The following SDCCAG8 variants were observed in gnomAD, a reference collection of about 807,000 sequenced individuals.
SDCCAG8 encodes the protein SHH signaling and ciliogenesis regulator SDCCAG8.
A neutral mutation model predicts 101.8 loss-of-function variants in SDCCAG8; 74 were observed. That is an observed-to-expected ratio of 0.73 (90% CI 0.60 to 0.88). The LOEUF is 0.88. SDCCAG8 is among the 40% of genes least tolerant of loss of function. The probability of loss-of-function intolerance (pLI) is 0.00; values close to 1 mark genes in which losing one functional copy is unlikely to be tolerated. For missense variants in SDCCAG8, 787 were observed against 822.6 expected, an observed-to-expected ratio of 0.96 and a Z score of 0.53; for synonymous variants, 281 against 292.9, an observed-to-expected ratio of 0.96 and a Z score of 0.41.
intron 11 of SDCCAG8, among the ~76,000 whole-genome samples, chr1:243,341,949 G>C (rs1451914773): frequency 6.6e-6 from 1 of 152,000 alleles, no homozygotes; most frequent in Non-Finnish European, 1.5e-5. Flanking sequence ...TTCTTCAATG[G>C]ATTTTCCTAA....
intron 12 of SDCCAG8, among the ~76,000 whole-genome samples, chr1:243,365,942 T>A (rs2147866321): frequency 6.6e-6 from 1 of 152,236 alleles, no homozygotes; most frequent in African/African-American, 2.4e-5. Context: ...TTTAGGCTGC[T>A]CTTCATTTAA....
At chr1:243,494,893 T>A (rs1336610377) in intron 17 of SDCCAG8, among the ~76,000 whole-genome samples, 1 of 152,218 alleles carries the variant, frequency 6.6e-6, no homozygotes, top group South Asian at 2.1e-4. Flanking sequence ...AGACTGTAAT[T>A]CCGTCACATT....
chr1:243,452,502 A>G (rs902029883), intron 16 of SDCCAG8, among the ~76,000 whole-genome samples: 5 of 137,532 alleles, frequency 3.6e-5, no homozygotes, highest in African/African-American at 1.4e-4. Flanking sequence ...AGCTTACTGC[A>G]GCCTCGAACT....
rs533894956 is a variant in SDCCAG8 at position 243,483,337 on chromosome 1, G to T, written c.1986-5677G>T. Among the ~76,000 whole-genome samples, 8 of 152,188 alleles carry T rather than the reference G, an allele frequency of 5.3e-5. No homozygotes were observed. The South Asian group carries it at 1.5e-3, about 28-fold the overall frequency. ...ACCCCGCTGCCTCGTCGCCTTTCTCGCAAACAGCGGTGCCCTCTACGTGGG... is the reference window on the plus strand; with the variant it reads ...ACCCCGCTGCCTCGTCGCCTTTCTCTCAAACAGCGGTGCCCTCTACGTGGG... On this transcript the variant is annotated intron_variant, in intron 16 of 17. Coordinates refer to ENST00000366541, the MANE Select transcript of SDCCAG8 (RefSeq NM_006642.5).
At position 243,308,059 on chromosome 1, in the gene SDCCAG8, C is replaced by T; in HGVS notation, c.811C>T (p.Leu271=). The part of the protein sequence containing the change: ...KEQLKHKEFL[L]AANTCNRVGG... Reference sequence around the variant, plus strand: ...GCAACTAAAGCATAAAGAATTTCTTCTGGCTGCTAATACTTGTAACCGTGT... The same window carrying T: ...GCAACTAAAGCATAAAGAATTTCTTTTGGCTGCTAATACTTGTAACCGTGT... Residue 271 remains leucine (L), a synonymous_variant, in exon 8 of 18, where the codon CTG becomes TTG. Transcript: ENST00000366541. 1.2e-6 allele frequency: 2 copies of T among 1,614,144 alleles called. No homozygotes were observed. Among genetic ancestry groups the T allele is most frequent in the Middle Eastern group, 1.6e-4 (1 of 6,062 alleles).
intron 15 of SDCCAG8, among the ~76,000 whole-genome samples, chr1:243,426,196 A>G (rs2081327514): frequency 6.6e-6 from 1 of 150,686 alleles, no homozygotes; most frequent in South Asian, 2.1e-4. Context: ...CTTATTCCTT[A>G]GGGAAGCCAT....
At chr1:243,413,496 G>A (rs534279386) in intron 13 of SDCCAG8, among the ~76,000 whole-genome samples, 69 of 152,268 alleles carry the variant, frequency 4.5e-4, no homozygotes, top group South Asian at 1.5e-3. Flanking sequence ...GTGAGCCACC[G>A]TGCCTGACCT....
intron 17 of SDCCAG8, among the ~76,000 whole-genome samples, chr1:243,497,870 T>TG (rs1193562846): frequency 6.6e-6 from 1 of 152,104 alleles, no homozygotes; most frequent in Non-Finnish European, 1.5e-5. Context: ...TTTGTAGAGA[T>TG]GAGGTCTCAC....
intron 16 of SDCCAG8, among the ~76,000 whole-genome samples, chr1:243,478,596 C>T (rs1553375462): frequency 6.6e-6 from 1 of 152,126 alleles, no homozygotes; most frequent in Non-Finnish European, 1.5e-5. Context: ...CTGCACGATC[C>T]TCAGGAAGAA....
intron 16 of SDCCAG8, among the ~76,000 whole-genome samples, chr1:243,470,981 T>C (rs1288791669): frequency 2.6e-5 from 4 of 152,110 alleles, no homozygotes; most frequent in Non-Finnish European, 5.9e-5. Context: ...TTGTTGTTGT[T>C]AGAGTGCATA....
chr1:243,413,453 A>C (rs1025605645), intron 13 of SDCCAG8, among the ~76,000 whole-genome samples: 1 of 152,034 alleles, frequency 6.6e-6, no homozygotes, highest in African/African-American at 2.4e-5. Flanking sequence ...TGATCTGCCC[A>C]CCTTGGCCTC....
chr1:243,372,476 T>C (rs1173845417), intron 12 of SDCCAG8, among the ~76,000 whole-genome samples: 4 of 152,122 alleles, frequency 2.6e-5, no homozygotes, highest in African/African-American at 7.2e-5. Flanking sequence ...TGAATTAAGA[T>C]GTTATATAAT....
At chr1:243,312,721 A>T (rs999545593) in intron 8 of SDCCAG8, among the ~76,000 whole-genome samples, 23 of 151,932 alleles carry the variant, frequency 1.5e-4, no homozygotes, top group African/African-American at 2.7e-4. Context: ...AAAAAAAAAA[A>T]AAAATAATGG....
intron 4 of SDCCAG8, among the ~76,000 whole-genome samples, chr1:243,284,757 G>C (rs1183685847): frequency 6.6e-6 from 1 of 152,152 alleles, no homozygotes; most frequent in Non-Finnish European, 1.5e-5. Context: ...ATTTCAAACT[G>C]GCTGCTTTTC....
intron 13 of SDCCAG8, among the ~76,000 whole-genome samples, chr1:243,397,972 G>A (rs185715097): frequency 6.6e-6 from 1 of 152,318 alleles, no homozygotes. Context: ...GTCTACCACA[G>A]TTTTCCTTGA....
chr1:243,482,253 C>G (rs547819385), intron 16 of SDCCAG8, among the ~76,000 whole-genome samples: 32 of 152,298 alleles, frequency 2.1e-4, no homozygotes, highest in Admixed American at 5.2e-4. Context: ...TATCTTGAAG[C>G]CTTGCATATT....
intron 12 of SDCCAG8, among the ~76,000 whole-genome samples, chr1:243,346,769 G>T (rs2075735592): frequency 6.6e-6 from 1 of 152,122 alleles, no homozygotes; most frequent in Non-Finnish European, 1.5e-5. Context: ...AGCCTCAGAG[G>T]ATGCTTCTTG....
intron 13 of SDCCAG8, among the ~76,000 whole-genome samples, chr1:243,396,169 A>T (rs1222073575): frequency 6.6e-6 from 1 of 152,184 alleles, no homozygotes; most frequent in Non-Finnish European, 1.5e-5. Context: ...ATAATTCAAC[A>T]TAGAGTGATT....
intron 16 of SDCCAG8, among the ~76,000 whole-genome samples, chr1:243,437,628 C>T (rs2082230355): frequency 6.6e-6 from 1 of 151,702 alleles, no homozygotes; most frequent in South Asian, 2.1e-4. Flanking sequence ...GCCCCACCTC[C>T]CGGGTTCACG....
Sources: gnomAD v4.1 joint callset for allele counts (sites outside exome capture counted in the v4.1 genomes callset) on GRCh38, gnomAD v4.1.1 for gene constraint, MANE v1.5 for transcripts, NCBI Gene and HGNC (gene_info 2026-07-23, HGNC 2026-07-21) for gene names.